The following USP10 variants were observed in gnomAD, a reference collection of about 807,000 sequenced individuals.
USP10 encodes the protein ubiquitin carboxyl-terminal hydrolase 10.
In USP10, 22 loss-of-function variants were observed where a neutral mutation model predicts 84.5. The observed-to-expected ratio is 0.26, with a 90% CI of 0.19 to 0.37. USP10 has a LOEUF of 0.37. Ranked by LOEUF, USP10 falls within the 10% of genes least tolerant of loss-of-function variation. The pLI, the probability that USP10 is intolerant of heterozygous loss-of-function variation, is 1.00. For synonymous variants in USP10, 454 were observed against 387.6 expected (o/e 1.17, Z -2.01); for missense variants, 1,019 against 998.9 (o/e 1.02, Z -0.27).
At chr16:84,731,942 C>A (rs75621478) in intron 1 of USP10, among the ~76,000 whole-genome samples, 3,147 of 152,244 alleles carry the variant, frequency 0.021, 104 homozygotes, top group African/African-American at 0.072. Context: ...TGAAAAGTGA[C>A]AGTATTTCAG....
At chr16:84,763,526 G>A (rs566223655) in intron 9 of USP10, among the ~76,000 whole-genome samples, 8 of 152,342 alleles carry the variant, frequency 5.3e-5, no homozygotes, top group Middle Eastern at 3.4e-3. Context: ...AGGTGCTAAA[G>A]CATCTCCTGC....
At chr16:84,733,851 G>A (rs1015883768) in intron 2 of USP10, among the ~76,000 whole-genome samples, 1 of 152,136 alleles carries the variant, frequency 6.6e-6, no homozygotes, top group African/African-American at 2.4e-5. Flanking sequence ...TATCACCATA[G>A]TCAATCGTAG....
intron 8 of USP10, among the ~76,000 whole-genome samples, chr16:84,762,323 C>G (rs1453846052): frequency 2.0e-5 from 3 of 152,202 alleles, no homozygotes; most frequent in Non-Finnish European, 2.9e-5. Flanking sequence ...TGAACTGGCC[C>G]TAGACATCTA....
At chr16:84,775,848 C>A (rs1430745412) in intron 13 of USP10, among the ~76,000 whole-genome samples, 3 of 152,074 alleles carry the variant, frequency 2.0e-5, no homozygotes, top group Non-Finnish European at 4.4e-5. Context: ...CCTTTCCTTT[C>A]TGCCTTCCCT....
intron 11 of USP10, among the ~76,000 whole-genome samples, chr16:84,772,261 G>A (rs1342731510): frequency 2.6e-5 from 4 of 152,158 alleles, no homozygotes; most frequent in African/African-American, 9.7e-5. Context: ...ATGTTGGCCA[G>A]GCTGGTCTCA....
chr16:84,704,866 G>A (rs1905273341), intron 1 of USP10: 1 of 1,535,602 alleles, frequency 6.5e-7, no homozygotes, highest in African/African-American at 1.4e-5. Flanking sequence ...GGCAGGTAAG[G>A]TGTTGAGATA....
intron 12 of USP10, among the ~76,000 whole-genome samples, chr16:84,774,920 A>G (rs1914838285): frequency 6.6e-6 from 1 of 152,186 alleles, no homozygotes; most frequent in Non-Finnish European, 1.5e-5. Context: ...GGAGCATCAC[A>G]GCCTCGGCCG....
chr16:84,776,386 C>G (rs1313974619), intron 13 of USP10, among the ~76,000 whole-genome samples: 1 of 152,166 alleles, frequency 6.6e-6, no homozygotes, highest in African/African-American at 2.4e-5. Flanking sequence ...CCCTCTCTTC[C>G]TCTCACTATT....
In USP10 at chr16:84,741,918, A is replaced by G. The variant is rs149608035; in HGVS notation, c.151+1549A>G. Among the ~76,000 whole-genome samples, 551 of 152,286 alleles carry G rather than the reference A, an allele frequency of 3.6e-3. 1 individual carries two copies. The highest frequency in any genetic ancestry group is 5.1e-3 in the Non-Finnish European group (345 of 68,034). Reference sequence around the variant, plus strand: ...TGTCACTGCGCCTGTAGTATCTGGAATGTTGTAAGCCCTCAGTACATTTGT... The same window carrying G: ...TGTCACTGCGCCTGTAGTATCTGGAGTGTTGTAAGCCCTCAGTACATTTGT... On this transcript the variant is annotated intron_variant, in intron 3 of 13. Coordinates refer to ENST00000219473, the MANE Select transcript of USP10 (RefSeq NM_005153.3).
At chr16:84,772,133 C>G (rs563692433) in intron 11 of USP10, among the ~76,000 whole-genome samples, 1 of 152,230 alleles carries the variant, frequency 6.6e-6, no homozygotes, top group South Asian at 2.1e-4. Flanking sequence ...CTCACTGCAA[C>G]GTCTACCTCC....
chr16:84,750,903 A>G (rs1911850870), intron 4 of USP10, among the ~76,000 whole-genome samples: 1 of 152,210 alleles, frequency 6.6e-6, no homozygotes, highest in African/African-American at 2.4e-5. Context: ...AAACCTGTTT[A>G]TATGATTTTT....
intron 1 of USP10, among the ~76,000 whole-genome samples, chr16:84,718,630 G>A (rs553579890): frequency 1.3e-5 from 2 of 151,820 alleles, no homozygotes; most frequent in Admixed American, 1.3e-4. Flanking sequence ...CGTGGCACAT[G>A]CCTGTAATAC....
intron 4 of USP10, among the ~76,000 whole-genome samples, chr16:84,753,739 T>G (rs765809564): frequency 6.6e-6 from 1 of 152,250 alleles, no homozygotes; most frequent in Non-Finnish European, 1.5e-5. Context: ...CTAACAAATA[T>G]GAGTGGAGTC....
At chr16:84,750,639 A>G (rs1911821464) in intron 4 of USP10, among the ~76,000 whole-genome samples, 1 of 152,194 alleles carries the variant, frequency 6.6e-6, no homozygotes, top group Admixed American at 6.5e-5. Flanking sequence ...TTCCTCATAT[A>G]CTAGACGAAA....
intron 1 of USP10, among the ~76,000 whole-genome samples, chr16:84,726,133 G>C (rs1036022671): frequency 6.6e-6 from 1 of 152,330 alleles, no homozygotes; most frequent in Middle Eastern, 3.4e-3. Context: ...TGAAGGCAGA[G>C]AATGTTAATT....
chr16:84,776,116 T>C (rs1413635997), intron 13 of USP10, among the ~76,000 whole-genome samples: 1 of 152,204 alleles, frequency 6.6e-6, no homozygotes, highest in Non-Finnish European at 1.5e-5. Flanking sequence ...ACATGTGTCC[T>C]AGGAGATGGG....
rs577643953 is a variant in USP10, at chr16:84,779,109, A to G, written c.*27A>G. Reference sequence around the variant, plus strand: ...CCCTGTGTGCGCTGTGTGTGCGCCCAGTGCCCGCTTCGTAGGACACCACCT... The same window carrying G: ...CCCTGTGTGCGCTGTGTGTGCGCCCGGTGCCCGCTTCGTAGGACACCACCT... On this transcript the variant is annotated 3_prime_UTR_variant, in exon 14 of 14. Coordinates refer to ENST00000219473, the MANE Select transcript of USP10 (RefSeq NM_005153.3). 5.1e-5 allele frequency: 81 copies of G among 1,593,960 alleles called. 2 individuals carry two copies. In the Admixed American group the frequency reaches 1.3e-3, roughly 26 times the overall value.
intron 1 of USP10, among the ~76,000 whole-genome samples, chr16:84,701,710 A>C (rs998889606): frequency 3.3e-5 from 5 of 152,186 alleles, no homozygotes; most frequent in Non-Finnish European, 5.9e-5. Flanking sequence ...TAATATGTAA[A>C]CTTAATTGTA....
rs77170713 is a variant in USP10, at chr16:84,744,655, G to A, written c.174G>A (p.Glu58=). Residue 58 remains glutamate, a synonymous_variant, in exon 4 of 14, where the codon GAG becomes GAA. Transcript: ENST00000219473. ...LPDGQEYQRI[E]FGVDEVIEPS... Reference sequence around the variant, plus strand: ...CAGGACAAGAATATCAGAGAATTGAGTTTGGTGTCGATGAAGTCATTGAAC... The same window carrying A: ...CAGGACAAGAATATCAGAGAATTGAATTTGGTGTCGATGAAGTCATTGAAC... The A allele has an allele frequency of 7.9e-4, 1,275 of 1,610,790 alleles. 13 individuals are homozygous for A. In the African/African-American group the frequency reaches 0.015, roughly 19 times the overall value.
Sources: allele counts gnomAD v4.1 joint callset (sites outside exome capture counted in the v4.1 genomes callset), GRCh38; gene constraint gnomAD v4.1.1; transcripts MANE v1.5; gene names NCBI Gene and HGNC (gene_info 2026-07-23, HGNC 2026-07-21).